CFTR: variants seen among roughly 807,000 people sequenced by gnomAD.
CFTR encodes the protein cystic fibrosis transmembrane conductance regulator.
CFTR carries 181 observed loss-of-function variants against 171.6 expected under a neutral mutation model. The ratio of observed to expected loss-of-function variants is 1.05; its 90% CI spans 0.93 to 1.19. CFTR has a LOEUF of 1.19. Ranked by LOEUF, CFTR falls within the 50% of genes most tolerant of loss-of-function variation. The pLI is 0.00. For missense variants in CFTR, 1,968 were observed against 1,734.7 expected (o/e 1.13, Z -2.39); for synonymous variants, 583 against 608.0 (o/e 0.96, Z 0.60).
At chr7:117,654,712 A>G (rs1250886779) in intron 24 of CFTR, among the ~76,000 whole-genome samples, 1 of 152,190 alleles carries the variant, frequency 6.6e-6, no homozygotes, top group African/African-American at 2.4e-5. Context: ...CTTCCCAGCC[A>G]TGTGGAACTG....
intron 3 of CFTR, among the ~76,000 whole-genome samples, chr7:117,516,095 C>T (rs1009683788): frequency 6.6e-6 from 1 of 152,182 alleles, no homozygotes; most frequent in Admixed American, 6.6e-5. Flanking sequence ...TTAGTTCTTT[C>T]ATTCCTTTGT....
At position 117,637,223 on chromosome 7, in the gene CFTR, T is replaced by G. The variant is rs551274326; in HGVS notation, c.3718-5215T>G. Among the ~76,000 whole-genome samples the G allele has an allele frequency of 2.7e-4, 12 of 45,196 alleles. No individual in the cohort carries two copies. In the South Asian group the frequency reaches 7.8e-3, roughly 30 times the overall value. 29.7% of individuals were successfully genotyped at this position (45,196 alleles called of 152,430 possible). ...GCTTGCTCTGTGTTTTCAAATGGTG[T>G]TTTTTTTTTTTTGCCTTTTAGTAAG... On this transcript the variant is annotated intron_variant, in intron 22 of 26. Transcript: ENST00000003084.
At chr7:117,612,040 T>TATATATATAA (rs1554392426) in intron 20 of CFTR, among the ~76,000 whole-genome samples, 9 of 75,008 alleles carry the variant, frequency 1.2e-4, no homozygotes, top group African/African-American at 4.6e-4. Flanking sequence ...TATATATATA[T>TATATATATAA]ATATATATAT....
At chr7:117,623,620 C>T (rs34034651) in intron 21 of CFTR, among the ~76,000 whole-genome samples, 10,808 of 152,242 alleles carry the variant, frequency 0.071, 606 homozygotes, top group African/African-American at 0.15. Context: ...CTCATCCAAA[C>T]AGCAATGAAT....
chr7:117,585,328 A>G (rs1427056592), intron 11 of CFTR, among the ~76,000 whole-genome samples: 2 of 152,000 alleles, frequency 1.3e-5, no homozygotes, highest in Admixed American at 1.3e-4. Flanking sequence ...AGGATTCTAT[A>G]CTCTCTAAAT....
At position 117,512,505 on chromosome 7, in the gene CFTR, G is replaced by T. The variant is rs931428272; in HGVS notation, c.273+3363G>T. Reference sequence around the variant, plus strand: ...GCCAGGTGTGGTGGCGTGGTGGCGGGCACCTGTGGTCCCAGCTACTTGGGA... The same window carrying T: ...GCCAGGTGTGGTGGCGTGGTGGCGGTCACCTGTGGTCCCAGCTACTTGGGA... On this transcript the variant is annotated intron_variant, in intron 3 of 26. Transcript: ENST00000003084. 2.6e-5 allele frequency among the ~76,000 whole-genome samples: 4 copies of T among 151,924 alleles called. No individual in the cohort carries two copies. The South Asian group carries it at 8.3e-4, about 32-fold the overall frequency.
At chr7:117,504,733 G>A (rs1584774564) in intron 2 of CFTR, among the ~76,000 whole-genome samples, 1 of 142,986 alleles carries the variant, frequency 7.0e-6, no homozygotes, top group East Asian at 2.0e-4. Context: ...CAGCTTGGGT[G>A]ACACAGCAAA....
chr7:117,556,067 T>A (rs1288005897), intron 10 of CFTR, among the ~76,000 whole-genome samples: 1 of 152,020 alleles, frequency 6.6e-6, no homozygotes, highest in Non-Finnish European at 1.5e-5. Flanking sequence ...ATTTTGTTAT[T>A]AATATTACTA....
In CFTR at chr7:117,611,635, T is replaced by C. The variant is rs121909036; in HGVS notation, c.3194T>C (p.Leu1065Pro). 3.1e-6 allele frequency: 5 copies of C among 1,613,598 alleles called. No homozygotes were observed. The highest frequency in any genetic ancestry group is 4.2e-6 in the Non-Finnish European group (5 of 1,179,762). Residue 1065 changes from leucine (L) to proline (P), a missense_variant, in exon 20 of 27, where the codon CTT (leucine) becomes CCT (proline). Leu to Pro is a moderately conservative substitution (Grantham distance 98, BLOSUM62 -3). Coordinates refer to ENST00000003084, the MANE Select transcript of CFTR (RefSeq NM_000492.4). ...ACAAGCTTAAAAGGACTATGGACAC[T>C]TCGTGCCTTCGGACGGCAGCCTTAC... ...LVTSLKGLWT[L>P]RAFGRQPYFE...
chr7:117,663,084 G>C (rs1175495827), intron 24 of CFTR, among the ~76,000 whole-genome samples: 1 of 152,122 alleles, frequency 6.6e-6, no homozygotes, highest in Non-Finnish European at 1.5e-5. Flanking sequence ...TTAATTTCTT[G>C]AGATTTCTAG....
At chr7:117,619,401 C>A (rs529298264) in intron 21 of CFTR, among the ~76,000 whole-genome samples, 8 of 152,328 alleles carry the variant, frequency 5.3e-5, no homozygotes, top group Middle Eastern at 3.4e-3. Context: ...ATAAATTACT[C>A]ACACTCATAA....
chr7:117,493,681 A>T (rs1798195843), intron 1 of CFTR, among the ~76,000 whole-genome samples: 1 of 152,142 alleles, frequency 6.6e-6, no homozygotes, highest in Admixed American at 6.6e-5. Context: ...TTGTGTCTAC[A>T]TACTGCTCCC....
chr7:117,513,214 G>A lies in CFTR; in HGVS notation c.273+4072G>A, dbSNP rs757438388. 2.6e-5 allele frequency among the ~76,000 whole-genome samples: 4 copies of A among 152,220 alleles called. No individual in the cohort carries two copies. The East Asian group carries it at 5.8e-4, about 22-fold the overall frequency. On this transcript the variant is annotated intron_variant, in intron 3 of 26. Coordinates refer to ENST00000003084, the MANE Select transcript of CFTR (RefSeq NM_000492.4). ...CCCTCTCAGTGCAGTATGGAAGCTTGTATACCATCTTGAGGTTACAGAAAG... is the reference window on the plus strand; with the variant it reads ...CCCTCTCAGTGCAGTATGGAAGCTTATATACCATCTTGAGGTTACAGAAAG...
chr7:117,480,041 A>T lies in CFTR; in HGVS notation c.-54A>T. ...GCACCCAGAGTAGTAGGTCTTTGGC[A>T]TTAGGAGCTTGAGCCCAGACGGCCC... On this transcript the variant is annotated 5_prime_UTR_variant, in exon 1 of 27. Transcript: ENST00000003084. 1.3e-6 allele frequency: 2 copies of T among 1,553,368 alleles called. No homozygotes were observed. The highest frequency in any genetic ancestry group is 2.2e-5 in the East Asian group (1 of 44,506).
In CFTR at chr7:117,592,593, C is replaced by A. The variant is rs1457971953; in HGVS notation, c.2426C>A (p.Ser809Ter). The A allele has an allele frequency of 6.6e-7, 1 of 1,523,638 alleles. No homozygotes were observed. Among genetic ancestry groups the A allele is most frequent in the South Asian group, 1.4e-5 (1 of 71,938 alleles). The allele number at this position is 1,523,638 out of a possible 1,614,324, so 94.4% of individuals were successfully genotyped here. A position where few individuals can be genotyped will look rare whatever the true frequency, so the allele number is the denominator to read the frequency against. The change falls in exon 14 of 27, where the codon TCA becomes TAA. Residue 809 changes from serine (S) to a stop codon, truncating the protein, a stop_gained. Coordinates refer to ENST00000003084, the MANE Select transcript of CFTR (RefSeq NM_000492.4). LOFTEE classifies it high-confidence loss of function. Reference sequence around the variant, plus strand: ...AACTTGACTGAACTGGATATATATTCAAGAAGGTTATCTCAAGAAACTGGC... The same window carrying A: ...AACTTGACTGAACTGGATATATATTAAAGAAGGTTATCTCAAGAAACTGGC... ...QANLTELDIY[S>*]RRLSQETGLE...
rs113993958 is a variant in CFTR at position 117,530,953 on chromosome 7, G to T, written c.328G>T (p.Asp110Tyr). Residue 110 changes from aspartate (D) to tyrosine (Y), a missense_variant, in exon 4 of 27, where the codon GAC becomes TAC. Asp to Tyr is a radical substitution (Grantham distance 160). Transcript: ENST00000003084. ...ACTGGGAAGAATCATAGCTTCCTAT[G>T]ACCCGGATAACAAGGAGGAACGCTC... Reference protein sequence around the residue: ...LLLGRIIASYDPDNKEERSIA... With the variant: ...LLLGRIIASYYPDNKEERSIA... 1 of 1,613,670 alleles carries T rather than the reference G, an allele frequency of 6.2e-7. No homozygotes were observed. The highest frequency in any genetic ancestry group is 1.3e-5 in the African/African-American group (1 of 74,892).
chr7:117,574,212 T>C (rs989659208), intron 11 of CFTR, among the ~76,000 whole-genome samples: 14 of 152,020 alleles, frequency 9.2e-5, no homozygotes, highest in East Asian at 1.9e-4. Flanking sequence ...TTAAATCAAA[T>C]AGAGAAAGCC....
intron 11 of CFTR, among the ~76,000 whole-genome samples, chr7:117,561,718 CGGG>C (rs1791498782): frequency 1.3e-5 from 2 of 151,958 alleles, no homozygotes; most frequent in African/African-American, 4.8e-5. Context: ...TCATATACTT[CGGG>C]AATTTGTGGA....
chr7:117,545,544 C>T (rs925241304), intron 9 of CFTR, among the ~76,000 whole-genome samples: 32 of 152,296 alleles, frequency 2.1e-4, no homozygotes, highest in East Asian at 1.7e-3. Context: ...GCTTCATAAA[C>T]GCACTCATTT....
Sources: gnomAD v4.1 joint callset for allele counts (sites outside exome capture counted in the v4.1 genomes callset) on GRCh38, gnomAD v4.1.1 for gene constraint, MANE v1.5 for transcripts, NCBI Gene and HGNC (gene_info 2026-07-23, HGNC 2026-07-21) for gene names.